TENM3: variants seen among roughly 807,000 people sequenced by gnomAD.
TENM3 encodes teneurin transmembrane protein 3.
TENM3 carries 63 observed loss-of-function variants against 255.1 expected under a neutral mutation model. That is an observed-to-expected ratio of 0.25 (90% CI 0.20 to 0.30). TENM3 has a LOEUF of 0.30. Ranked by LOEUF, TENM3 falls within the 10% of genes least tolerant of loss-of-function variation. TENM3 has a pLI of 1.00. For missense variants in TENM3, 2,929 were observed against 3,461.1 expected (o/e 0.85, Z 3.86); for synonymous variants, 1,306 against 1,322.3 (o/e 0.99, Z 0.27).
At chr4:182,508,399 T>C (rs1737053377) in intron 3 of TENM3, among the ~76,000 whole-genome samples, 1 of 152,228 alleles carries the variant, frequency 6.6e-6, no homozygotes, top group South Asian at 2.1e-4. Context: ...AATAATACGA[T>C]AGTCATAGAT....
chr4:181,595,443 A>ACAAAAAAAAAC, the TENM3 span, among the ~76,000 whole-genome samples: 56 of 130,826 alleles, frequency 4.3e-4, 1 homozygote, highest in East Asian at 6.4e-4. Context: ...AAAAAAAAAA[A>ACAAAAAAAAAC]AAAAAAAAAA....
At chr4:181,862,786 G>T in the TENM3 span, among the ~76,000 whole-genome samples, 2 of 152,048 alleles carry the variant, frequency 1.3e-5, no homozygotes, top group Non-Finnish European at 2.9e-5. Context: ...ATTATGTCCA[G>T]TTTAGAGCAA....
chr4:182,497,086 G>C (rs1735840943), intron 3 of TENM3, among the ~76,000 whole-genome samples: 2 of 149,740 alleles, frequency 1.3e-5, no homozygotes, highest in South Asian at 2.1e-4. Flanking sequence ...ACGGAGTCTT[G>C]CTCTGTCGCC....
At chr4:182,188,818 GT>G (rs1318799484) in intron 1 of TENM3, among the ~76,000 whole-genome samples, 2 of 152,132 alleles carry the variant, frequency 1.3e-5, no homozygotes, top group African/African-American at 4.8e-5. Context: ...GCCCTGCCCA[GT>G]CCTAGAGATG....
chr4:182,349,993 T>G (rs1765065455), intron 3 of TENM3: 1 of 161,540 alleles, frequency 6.2e-6, no homozygotes, highest in Admixed American at 6.5e-5. Context: ...TTGACTGTTT[T>G]CTTCATTTGA....
the TENM3 span, among the ~76,000 whole-genome samples, chr4:182,125,845 T>A: frequency 6.8e-6 from 1 of 146,844 alleles, no homozygotes; most frequent in Admixed American, 6.9e-5. Flanking sequence ...GGGCCAAAAA[T>A]AAATGATAAT....
chr4:181,741,438 C>T, the TENM3 span, among the ~76,000 whole-genome samples: 1 of 152,028 alleles, frequency 6.6e-6, no homozygotes, highest in Non-Finnish European at 1.5e-5. Context: ...CTGTGTGCTT[C>T]ATTAGTCTCA....
the TENM3 span, among the ~76,000 whole-genome samples, chr4:182,024,793 T>C: frequency 1.3e-5 from 2 of 152,056 alleles, no homozygotes; most frequent in Non-Finnish European, 2.9e-5. Flanking sequence ...TTTCGAATGA[T>C]TTTTTTGCCA....
rs563024454 is a variant in TENM3 at position 182,582,718 on chromosome 4, A to G, written c.512-18206A>G. Among the ~76,000 whole-genome samples the G allele has an allele frequency of 1.1e-3, 166 of 152,310 alleles. 1 individual carries two copies. The highest frequency in any genetic ancestry group is 2.3e-3 in the Non-Finnish European group (154 of 68,030). The stretch of plus-strand genomic sequence containing the variant: ...GATTAAAGGAATTGTTTTAGACTCG[A>G]TATGGACGTGTTAGAATGCTTTAAA... On this transcript the variant is annotated intron_variant, in intron 3 of 27. Coordinates refer to ENST00000511685, the MANE Select transcript of TENM3 (RefSeq NM_001080477.4).
chr4:182,269,700 A>C (rs1759486595), intron 1 of TENM3, among the ~76,000 whole-genome samples: 1 of 152,146 alleles, frequency 6.6e-6, no homozygotes, highest in Admixed American at 6.5e-5. Context: ...TTTCTAAGGA[A>C]AAGCACACCC....
chr4:182,051,497 C>T, the TENM3 span, among the ~76,000 whole-genome samples: 5 of 151,584 alleles, frequency 3.3e-5, no homozygotes, highest in Admixed American at 3.3e-4. Flanking sequence ...CCTGCCTCAG[C>T]CTCCCAAGTA....
At chr4:181,913,907 T>C in the TENM3 span, among the ~76,000 whole-genome samples, 1 of 152,192 alleles carries the variant, frequency 6.6e-6, no homozygotes, top group Admixed American at 6.5e-5. Context: ...TGATTGGTGC[T>C]ATTCACACTT....
In TENM3 at chr4:182,600,868, C is replaced by CAT. The variant is rs141344153; in HGVS notation, c.512-42_512-41dup. 305,561 of 618,112 alleles carry CAT rather than the reference C, an allele frequency of 0.49. 58,504 individuals are homozygous for CAT. The highest frequency in any genetic ancestry group is 0.52 in the Non-Finnish European group (209,295 of 400,098). The allele number at this position is 618,112 out of a possible 1,614,324, so 38.3% of individuals were successfully genotyped here. On this transcript the variant is annotated intron_variant, in intron 3 of 27. Coordinates refer to ENST00000511685, the MANE Select transcript of TENM3 (RefSeq NM_001080477.4). ...CCAAGAAATTGGTAGTGTGTATATA[C>CAT]ATATATATATATATAATGAGTTCTC... is the stretch of plus-strand genomic sequence containing the variant.
chr4:181,979,700 A>C, the TENM3 span, among the ~76,000 whole-genome samples: 1 of 152,136 alleles, frequency 6.6e-6, no homozygotes, highest in Non-Finnish European at 1.5e-5. Flanking sequence ...TGTAGTGTGC[A>C]AACACCGTCA....
intron 2 of TENM3, among the ~76,000 whole-genome samples, chr4:182,337,093 G>A (rs535162015): frequency 3.9e-5 from 6 of 151,998 alleles, no homozygotes; most frequent in South Asian, 2.1e-4. Context: ...TTAGAAAACC[G>A]CAGTAAAAAG....
the TENM3 span, among the ~76,000 whole-genome samples, chr4:181,672,425 A>G: frequency 0.056 from 8,454 of 152,268 alleles, 330 homozygotes; most frequent in Middle Eastern, 0.16. Flanking sequence ...TGCCATACTA[A>G]GGATTTTTCG....
chr4:181,873,068 A>G, the TENM3 span, among the ~76,000 whole-genome samples: 15 of 151,906 alleles, frequency 9.9e-5, no homozygotes, highest in Non-Finnish European at 2.1e-4. Context: ...CTCTTCTAAT[A>G]TAAGTATTTT....
chr4:182,051,200 A>T, the TENM3 span, among the ~76,000 whole-genome samples: 5 of 151,710 alleles, frequency 3.3e-5, no homozygotes, highest in Non-Finnish European at 5.9e-5. Context: ...AAAAGTAGCC[A>T]GGTGTGATGG....
the TENM3 span, among the ~76,000 whole-genome samples, chr4:181,814,587 CGTGTGT>C: frequency 4.7e-5 from 7 of 149,490 alleles, no homozygotes; most frequent in East Asian, 9.8e-4. Flanking sequence ...TTTTTAAATG[CGTGTGT>C]GTGTGTGTGT....
Sources: allele counts gnomAD v4.1 joint callset (sites outside exome capture counted in the v4.1 genomes callset), GRCh38; gene constraint gnomAD v4.1.1; transcripts MANE v1.5; gene names NCBI Gene and HGNC (gene_info 2026-07-23, HGNC 2026-07-21).